The following FAM110B variants were observed in gnomAD, a reference collection of about 807,000 sequenced individuals.
FAM110B encodes protein FAM110B.
A neutral mutation model predicts 20.4 loss-of-function variants in FAM110B; 6 were observed. That is an observed-to-expected ratio of 0.29 (90% confidence interval 0.16 to 0.58). The LOEUF (loss-of-function observed/expected upper bound fraction) is 0.58. Ranked by LOEUF, FAM110B falls within the 20% of genes least tolerant of loss-of-function variation. The pLI is 0.90. For missense variants in FAM110B, 434 were observed against 498.2 expected (o/e 0.87, Z 1.23); for synonymous variants, 226 against 214.1 (o/e 1.06, Z -0.49).
At chr8:58,049,402 C>CT (rs112316204) in intron 2 of FAM110B, among the ~76,000 whole-genome samples, 1,464 of 145,258 alleles carry the variant, frequency 0.01, 31 homozygotes, top group African/African-American at 0.031. Context: ...AAAAGCTAGT[C>CT]TTTTTTTTTT....
chr8:58,003,155 G>C (rs935548574), intron 1 of FAM110B, among the ~76,000 whole-genome samples: 2 of 152,210 alleles, frequency 1.3e-5, no homozygotes, highest in Non-Finnish European at 2.9e-5. Context: ...CTCAAGAAAT[G>C]AGTCTTTATT....
intron 3 of FAM110B, among the ~76,000 whole-genome samples, chr8:58,078,478 T>C (rs762407199): frequency 3.3e-5 from 5 of 152,120 alleles, no homozygotes; most frequent in Non-Finnish European, 7.4e-5. Flanking sequence ...TTATTCAAAC[T>C]TAAGTAATTG....
intron 3 of FAM110B, among the ~76,000 whole-genome samples, chr8:58,087,328 G>A (rs926064324): frequency 3.9e-5 from 6 of 152,172 alleles, no homozygotes; most frequent in Admixed American, 6.5e-5. Flanking sequence ...GGTGGGCTTC[G>A]CTTCCAGTTC....
intron 3 of FAM110B, among the ~76,000 whole-genome samples, chr8:58,108,893 C>T (rs1001900736): frequency 2.6e-5 from 4 of 152,116 alleles, no homozygotes; most frequent in Non-Finnish European, 5.9e-5. Context: ...ACCATGGTTC[C>T]TCCTGTTTGT....
intron 3 of FAM110B, among the ~76,000 whole-genome samples, chr8:58,083,356 A>G (rs1806251384): frequency 6.6e-6 from 1 of 152,196 alleles, no homozygotes; most frequent in Non-Finnish European, 1.5e-5. Flanking sequence ...CTTGGGTGAA[A>G]CTTTAAACTA....
At chr8:58,127,677 C>T (rs905525627) in intron 3 of FAM110B, among the ~76,000 whole-genome samples, 26 of 152,086 alleles carry the variant, frequency 1.7e-4, no homozygotes, top group Admixed American at 9.8e-4. Flanking sequence ...TATGTGGAAA[C>T]TCATGTTAAA....
intron 2 of FAM110B, among the ~76,000 whole-genome samples, chr8:58,065,603 T>G (rs1805743767): frequency 6.6e-6 from 1 of 152,198 alleles, no homozygotes; most frequent in Non-Finnish European, 1.5e-5. Context: ...TAATATGTCA[T>G]TATTATGGCT....
intron 2 of FAM110B, among the ~76,000 whole-genome samples, chr8:58,048,193 T>TAGGCATTTTCAGAAAACTTAG (rs1805369242): frequency 6.6e-6 from 1 of 152,262 alleles, no homozygotes. Context: ...CAGAAGTGTC[T>TAGGCATTTTCAGAAAACTTAG]GCATTTTCCA....
chr8:58,060,449 TAAATC>T (rs906271937), intron 2 of FAM110B, among the ~76,000 whole-genome samples: 1 of 152,112 alleles, frequency 6.6e-6, no homozygotes, highest in Non-Finnish European at 1.5e-5. Context: ...CCAAAACTAA[TAAATC>T]AGAAAGGAAA....
intron 1 of FAM110B, among the ~76,000 whole-genome samples, chr8:58,015,964 TTAAC>T (rs1287747005): frequency 2.0e-5 from 3 of 152,200 alleles, no homozygotes; most frequent in Non-Finnish European, 4.4e-5. Context: ...CTTGGAATAT[TTAAC>T]TATTCCTAAC....
intron 1 of FAM110B, among the ~76,000 whole-genome samples, chr8:58,027,423 GTT>G (rs11323713): frequency 6.8e-6 from 1 of 147,438 alleles, no homozygotes; most frequent in African/African-American, 2.5e-5. Flanking sequence ...GGAACACTGA[GTT>G]TTTTTTTTTT....
intron 3 of FAM110B, among the ~76,000 whole-genome samples, chr8:58,144,311 T>C (rs1803808939): frequency 6.6e-6 from 1 of 152,246 alleles, no homozygotes; most frequent in Non-Finnish European, 1.5e-5. Flanking sequence ...GATGAGATTG[T>C]GCCTCCAGAG....
intron 2 of FAM110B, among the ~76,000 whole-genome samples, chr8:58,053,830 C>T (rs577105749): frequency 1.3e-5 from 2 of 152,036 alleles, no homozygotes; most frequent in Non-Finnish European, 2.9e-5. Context: ...GTTTGGTATA[C>T]TGTATTATGT....
intron 1 of FAM110B, among the ~76,000 whole-genome samples, chr8:58,016,926 CA>C (rs1466080275): frequency 1.3e-5 from 2 of 152,082 alleles, no homozygotes; most frequent in Non-Finnish European, 2.9e-5. Context: ...AGGCTGGAAG[CA>C]GGGAGTAGGG....
intron 3 of FAM110B, among the ~76,000 whole-genome samples, chr8:58,135,526 C>A (rs769921219): frequency 6.6e-6 from 1 of 152,122 alleles, no homozygotes; most frequent in Non-Finnish European, 1.5e-5. Context: ...GAGTAAATAT[C>A]ATCTTCTGCC....
intron 3 of FAM110B, among the ~76,000 whole-genome samples, chr8:58,085,829 A>T (rs1445657074): frequency 6.6e-6 from 1 of 152,204 alleles, no homozygotes; most frequent in African/African-American, 2.4e-5. Context: ...GGCACTGGCC[A>T]TTCACACACG....
chr8:58,047,637 A>ACTCTCTCTCTCTCTCTCTCT (rs1585840295), intron 2 of FAM110B, among the ~76,000 whole-genome samples: 14 of 43,608 alleles, frequency 3.2e-4, no homozygotes, highest in East Asian at 7.8e-4. Context: ...TCTCTCTCTG[A>ACTCTCTCTCTCTCTCTCTCT]CTTATATAAA....
In FAM110B at chr8:58,146,392, G is replaced by A. The variant is rs866732145; in HGVS notation, c.162G>A (p.Leu54=). The change falls in exon 4 of 4, where the codon CTG becomes CTA. Residue 54 remains leucine, a synonymous_variant. Coordinates refer to ENST00000519262, the MANE Select transcript of FAM110B (RefSeq NM_001377989.1). ...AGAGGCTCAGCGCCGTGGAGAGGCT[G>A]GAGGCCGACAAGGCCAAGTACGTCA... The part of the protein sequence containing the change: ...NPKRLSAVER[L]EADKAKYVKS... 9.9e-6 allele frequency: 16 copies of A among 1,613,940 alleles called. No individual in the cohort carries two copies. The Middle Eastern group carries it at 6.6e-4, about 66-fold the overall frequency.
At chr8:58,060,398 A>T (rs1768820026) in intron 2 of FAM110B, among the ~76,000 whole-genome samples, 1 of 152,232 alleles carries the variant, frequency 6.6e-6, no homozygotes, top group Non-Finnish European at 1.5e-5. Context: ...CTGAAAAGAA[A>T]TATGTATGAA....
Sources: allele counts gnomAD v4.1 joint callset (sites outside exome capture counted in the v4.1 genomes callset), GRCh38; gene constraint gnomAD v4.1.1; transcripts MANE v1.5; gene names NCBI Gene and HGNC (gene_info 2026-07-23, HGNC 2026-07-21).